The following SETD2 variants were observed in gnomAD, a reference collection of about 807,000 sequenced individuals.
SETD2 encodes histone-lysine N-methyltransferase SETD2.
In SETD2, 31 loss-of-function variants were observed where a neutral mutation model predicts 242.1. The observed-to-expected ratio is 0.13, with a 90% CI of 0.10 to 0.17. The LOEUF (loss-of-function observed/expected upper bound fraction) is 0.17, where lower values mean the gene tolerates loss of function less well. SETD2 is among the 10% of genes least tolerant of loss of function. SETD2 has a pLI of 1.00. For missense variants in SETD2, 2,481 were observed against 3,046.3 expected (o/e 0.81, Z 4.37); for synonymous variants, 1,006 against 1,066.5 (o/e 0.94, Z 1.11).
At chr3:47,102,882 T>C (rs1217685978) in intron 7 of SETD2, among the ~76,000 whole-genome samples, 4 of 150,436 alleles carry the variant, frequency 2.7e-5, no homozygotes, top group Non-Finnish European at 5.9e-5. Flanking sequence ...TAATAAAGAA[T>C]CCAAATACAC....
rs2106705534 is a variant in SETD2 at position 47,123,510 on chromosome 3, T to C, written c.1126A>G (p.Lys376Glu). 2 of 1,551,066 alleles carry C rather than the reference T, an allele frequency of 1.3e-6. No homozygotes were observed. Among genetic ancestry groups the C allele is most frequent in the Non-Finnish European group, 1.7e-6 (2 of 1,146,958 alleles). ...TCAAGTTTTGAATAGCTAAAATATT[T>C]ATCATCTCTGTCTGTTTTAGATCGT... ...PSRSKTDRDD[K>E]YFSYSKLERD... The change falls in exon 3 of 21, where the codon AAA (lysine) becomes GAA (glutamate). Residue 376 changes from lysine to glutamate, a missense_variant. Lys to Glu is a moderately conservative substitution (Grantham distance 56). Around this residue, in one of 17 missense-constraint regions of SETD2, gnomAD observed 1,300 missense variants for 1,259.2 expected, o/e 1.03. Transcript: ENST00000409792.
intron 1 of SETD2, among the ~76,000 whole-genome samples, chr3:47,142,294 G>C (rs1367977709): frequency 6.6e-6 from 1 of 152,070 alleles, no homozygotes; most frequent in Non-Finnish European, 1.5e-5. Flanking sequence ...GGTTGTTTGA[G>C]GCTAGGAGTT....
chr3:47,034,161 T>G (rs1170335208), intron 18 of SETD2, among the ~76,000 whole-genome samples: 1 of 152,210 alleles, frequency 6.6e-6, no homozygotes, highest in Admixed American at 6.5e-5. Context: ...TTTGCGGATT[T>G]ATTTATGTAT....
chr3:47,070,995 C>T (rs1384335115), intron 12 of SETD2, among the ~76,000 whole-genome samples: 6 of 152,090 alleles, frequency 3.9e-5, no homozygotes, highest in Admixed American at 6.6e-5. Context: ...CTTAGCCTCC[C>T]GAAGTGCTGG....
chr3:47,152,503 T>C (rs1390336165), intron 1 of SETD2, among the ~76,000 whole-genome samples: 1 of 152,220 alleles, frequency 6.6e-6, no homozygotes, highest in African/African-American at 2.4e-5. Context: ...TTGCTCCACT[T>C]TACATTCACA....
intron 18 of SETD2, among the ~76,000 whole-genome samples, chr3:47,024,575 C>G (rs1426609163): frequency 6.6e-6 from 1 of 152,210 alleles, no homozygotes; most frequent in Non-Finnish European, 1.5e-5. Context: ...CCACTTGAAC[C>G]TGGGAGGCAA....
chr3:47,040,257 G>A (rs2039218071), intron 17 of SETD2, among the ~76,000 whole-genome samples: 1 of 152,146 alleles, frequency 6.6e-6, no homozygotes, highest in Non-Finnish European at 1.5e-5. Flanking sequence ...GGGATTACAG[G>A]TGTGAGCCAC....
chr3:47,056,732 A>G (rs2040097691), intron 15 of SETD2, 89 bp downstream of exon 15: 1 of 994,362 alleles, frequency 1.0e-6, no homozygotes, highest in African/African-American at 1.6e-5. Context: ...CAAGTAGTCC[A>G]TGGTAAGACT....
At chr3:47,139,029 C>G (rs1312660740) in intron 1 of SETD2, among the ~76,000 whole-genome samples, 1 of 152,076 alleles carries the variant, frequency 6.6e-6, no homozygotes, top group African/African-American at 2.4e-5. Flanking sequence ...TGCTATGGCA[C>G]GATCATAGCT....
rs116552576 is a variant in SETD2, at chr3:47,118,075, G to A, written c.4455-1321C>T. ...TGTTCTATTCTAGTGCCAATTTTAT[G>A]AAGTGCCTCAAGAGTGTTATGATAG... is the stretch of plus-strand genomic sequence containing the variant. On this transcript the variant is annotated intron_variant, in intron 3 of 20. Coordinates refer to ENST00000409792, the MANE Select transcript of SETD2 (RefSeq NM_014159.7). 6.3e-3 allele frequency among the ~76,000 whole-genome samples: 965 copies of A among 152,262 alleles called. 12 individuals are homozygous for A. The highest frequency in any genetic ancestry group is 0.023 in the African/African-American group (938 of 41,560).
intron 18 of SETD2, among the ~76,000 whole-genome samples, chr3:47,020,839 T>C (rs1245594327): frequency 1.3e-5 from 2 of 152,206 alleles, no homozygotes; most frequent in Non-Finnish European, 2.9e-5. Flanking sequence ...TCCATTTCCA[T>C]AAACAGTATG....
At chr3:47,062,077 T>C in intron 14 of SETD2, 86 bp downstream of exon 14, 3 of 1,233,520 alleles carry the variant, frequency 2.4e-6, no homozygotes. Flanking sequence ...GCCCTTGATG[T>C]TCACAATCAG....
At chr3:47,056,781 A>T in intron 15 of SETD2, 40 bp downstream of exon 15, 1 of 1,535,208 alleles carries the variant, frequency 6.5e-7, no homozygotes, top group East Asian at 2.3e-5. Context: ...TCCCATGAAC[A>T]GACCATAAAG....
intron 18 of SETD2, among the ~76,000 whole-genome samples, chr3:47,022,422 G>C (rs559090586): frequency 6.6e-6 from 1 of 151,190 alleles, no homozygotes; most frequent in Admixed American, 6.6e-5. Flanking sequence ...AGAGTTGCGC[G>C]AGCCTAGGAG....
intron 1 of SETD2, among the ~76,000 whole-genome samples, chr3:47,131,951 T>C (rs1329515874): frequency 6.6e-6 from 1 of 151,460 alleles, no homozygotes; most frequent in Non-Finnish European, 1.5e-5. Context: ...CTAATTTTTG[T>C]ATTTTTAGTA....
intron 18 of SETD2, among the ~76,000 whole-genome samples, chr3:47,027,805 T>G (rs1015684567): frequency 6.6e-6 from 1 of 151,862 alleles, no homozygotes; most frequent in South Asian, 2.1e-4. Flanking sequence ...TTTTTGTTTT[T>G]TTTTTTGAGA....
intron 1 of SETD2, among the ~76,000 whole-genome samples, chr3:47,129,227 A>G (rs2043421928): frequency 6.6e-6 from 1 of 152,250 alleles, no homozygotes; most frequent in Non-Finnish European, 1.5e-5. Flanking sequence ...TTGATAAAAT[A>G]AAATGTTTAT....
intron 12 of SETD2, among the ~76,000 whole-genome samples, chr3:47,076,535 C>T (rs184267106): frequency 6.6e-6 from 1 of 152,228 alleles, no homozygotes; most frequent in Admixed American, 6.5e-5. Flanking sequence ...TGCCAAGATG[C>T]CACAATAAAA....
intron 9 of SETD2, among the ~76,000 whole-genome samples, chr3:47,092,119 C>T (rs947786347): frequency 2.0e-5 from 3 of 151,828 alleles, no homozygotes; most frequent in African/African-American, 4.8e-5. Flanking sequence ...AAAAATAAAC[C>T]GTAAAAATGC....
Sources: allele counts gnomAD v4.1 joint callset (sites outside exome capture counted in the v4.1 genomes callset), GRCh38; gene constraint gnomAD v4.1.1; regional missense constraint gnomAD v4.1.1; transcripts MANE v1.5; gene names NCBI Gene and HGNC (gene_info 2026-07-23, HGNC 2026-07-21).